TBX20: variants seen among roughly 807,000 people sequenced by gnomAD.
The protein encoded by TBX20 is T-box transcription factor 20.
TBX20 carries 8 observed loss-of-function variants against 42.9 expected under a neutral mutation model. The ratio of observed to expected loss-of-function variants is 0.19; its 90% CI spans 0.11 to 0.34. The LOEUF is 0.34. TBX20 is among the 10% of genes least tolerant of loss of function. The probability of loss-of-function intolerance (pLI) is 1.00; values close to 1 mark genes in which losing one functional copy is unlikely to be tolerated. For missense variants in TBX20, 411 were observed against 566.0 expected, an observed-to-expected ratio of 0.73 and a Z score of 2.78; for synonymous variants, 198 against 222.8, an observed-to-expected ratio of 0.89 and a Z score of 0.99.
At chr7:35,247,627 C>T (rs1243084152) in intron 3 of TBX20, among the ~76,000 whole-genome samples, 3 of 152,146 alleles carry the variant, frequency 2.0e-5, no homozygotes, top group Admixed American at 2.0e-4. Context: ...GACTATGACT[C>T]CAGACTAGAC....
At chr7:35,212,622 A>C (rs1789517302) in intron 6 of TBX20, among the ~76,000 whole-genome samples, 1 of 152,282 alleles carries the variant, frequency 6.6e-6, no homozygotes, top group Admixed American at 6.5e-5. Context: ...TTTAAGTAGG[A>C]CTGGAACACT....
chr7:35,203,353 C>A (rs1461444494), intron 7 of TBX20, among the ~76,000 whole-genome samples: 1 of 151,894 alleles, frequency 6.6e-6, no homozygotes, highest in African/African-American at 2.4e-5. Context: ...GTAGGCCTGA[C>A]CCCTCTTGCC....
Position 35,250,207 on chromosome 7 carries a change from G to C in TBX20, c.128-4C>G, listed in dbSNP as rs1421697732. 1.9e-6 allele frequency: 3 copies of C among 1,613,864 alleles called. No individual in the cohort carries two copies. The highest frequency in any genetic ancestry group is 2.7e-5 in the African/African-American group (2 of 74,912). ...GACGACTTCTCCACAAATTGCTCTGGAGGTAAAGAGAATTGTGAATGACAG... is the reference window on the plus strand; with the variant it reads ...GACGACTTCTCCACAAATTGCTCTGCAGGTAAAGAGAATTGTGAATGACAG... On this transcript the variant is annotated splice_polypyrimidine_tract_variant and splice_region_variant and intron_variant, in intron 1 of 7. Transcript: ENST00000408931.
rs1181006348 is a variant in TBX20 at position 35,245,601 on chromosome 7, T to C, written c.546-544A>G. 2.0e-5 allele frequency among the ~76,000 whole-genome samples: 3 copies of C among 152,318 alleles called. No homozygotes were observed. In the East Asian group the frequency reaches 5.8e-4, roughly 29 times the overall value. On this transcript the variant is annotated intron_variant, in intron 3 of 7. Coordinates refer to ENST00000408931, the MANE Select transcript of TBX20 (RefSeq NM_001077653.2). ...ATGGAGCAATTTTAATATAGGGACATGGAGAACTCCCAGTAGTCCACCGAT... is the reference window on the plus strand; with the variant it reads ...ATGGAGCAATTTTAATATAGGGACACGGAGAACTCCCAGTAGTCCACCGAT...
chr7:35,208,628 G>A (rs1384351758), intron 6 of TBX20, among the ~76,000 whole-genome samples: 4 of 151,564 alleles, frequency 2.6e-5, no homozygotes, highest in African/African-American at 4.8e-5. Context: ...TGTAATCCCC[G>A]CTACTCGGGA....
At chr7:35,211,037 CT>C (rs1789488951) in intron 6 of TBX20, among the ~76,000 whole-genome samples, 1 of 151,646 alleles carries the variant, frequency 6.6e-6, no homozygotes, top group South Asian at 2.1e-4. Flanking sequence ...TTAGATATAA[CT>C]TTCTTTTGTT....
chr7:35,226,208 A>T (rs1364832687), intron 6 of TBX20, among the ~76,000 whole-genome samples: 1 of 152,102 alleles, frequency 6.6e-6, no homozygotes, highest in Non-Finnish European at 1.5e-5. Context: ...TTGGAGTGAG[A>T]AAAGTTTTCT....
At chr7:35,233,482 A>G (rs1789906102) in intron 5 of TBX20, among the ~76,000 whole-genome samples, 1 of 152,250 alleles carries the variant, frequency 6.6e-6, no homozygotes, top group Non-Finnish European at 1.5e-5. Flanking sequence ...CAGCTAAGAC[A>G]TATATATGAA....
intron 1 of TBX20, among the ~76,000 whole-genome samples, chr7:35,250,538 G>T (rs2128716213): frequency 6.6e-6 from 1 of 152,310 alleles, no homozygotes; most frequent in South Asian, 2.1e-4. Flanking sequence ...TATTCCTATT[G>T]TCACCCCTCC....
At chr7:35,214,097 T>G (rs1035440280) in intron 6 of TBX20, among the ~76,000 whole-genome samples, 1 of 152,126 alleles carries the variant, frequency 6.6e-6, no homozygotes, top group African/African-American at 2.4e-5. Context: ...TTCCCTAAAA[T>G]AGTGTCTGGC....
At chr7:35,252,977 G>C (rs1392809439) in intron 1 of TBX20, among the ~76,000 whole-genome samples, 1 of 152,220 alleles carries the variant, frequency 6.6e-6, no homozygotes, top group African/African-American at 2.4e-5. Context: ...GATAAGTCTA[G>C]AGCTTCAGTG....
At chr7:35,250,249 A>T (rs189059790) in intron 1 of TBX20, 46 bp from the exon 2 acceptor site, 2 of 1,597,816 alleles carry the variant, frequency 1.3e-6, no homozygotes, top group Admixed American at 1.7e-5. Context: ...CTGTTCAACA[A>T]GGAAAGATCT....
chr7:35,248,788 T>C lies in TBX20; in HGVS notation c.434A>G (p.Lys145Arg). The C allele has an allele frequency of 6.2e-7, 1 of 1,614,132 alleles. No homozygotes were observed. Among genetic ancestry groups the C allele is most frequent in the Non-Finnish European group, 8.5e-7 (1 of 1,180,040 alleles). Residue 145 changes from lysine to arginine, a missense_variant, in exon 3 of 8, where the codon AAG becomes AGG. Lys to Arg is a conservative substitution (Grantham distance 26). This residue lies in a region of TBX20 where 121 missense variants were observed against 165.9 expected (regional missense o/e 0.73). Coordinates refer to ENST00000408931, the MANE Select transcript of TBX20 (RefSeq NM_001077653.2). ...GACGATGTCCATCAGGACTATGTAC[T>C]TGGCCTCAGGATCCACCCCCGAAAA... ...VSFSGVDPEA[K>R]YIVLMDIVPV... is the part of the protein sequence containing the mutation.
At position 35,244,970 on chromosome 7, in the gene TBX20, A is replaced by T; in HGVS notation, c.633T>A (p.Asn211Lys). 6.2e-7 allele frequency: 1 copy of T among 1,613,672 alleles called. No homozygotes were observed. Among genetic ancestry groups the T allele is most frequent in the Non-Finnish European group, 8.5e-7 (1 of 1,179,596 alleles). Residue 211 changes from asparagine (N) to lysine (K), a missense_variant, in exon 4 of 8, where the codon AAT becomes AAA. By Grantham distance (94) the Asn-to-Lys change is moderately conservative. This residue lies in a region of TBX20 where 121 missense variants were observed against 165.9 expected (regional missense o/e 0.73). Transcript: ENST00000408931. ...VSFEKVKLTN[N>K]ELDQHGHIIL... ...TTACATGGCCATGTTGATCCAGTTC[A>T]TTGTTGGTGAGTTTCACCTTTTCAA...
Position 35,253,491 on chromosome 7 carries a change from T to C in TBX20, c.127+3A>G. 1 of 1,609,816 alleles carries C rather than the reference T, an allele frequency of 6.2e-7. No homozygotes were observed. On this transcript the variant is annotated splice_donor_region_variant and intron_variant, in intron 1 of 7. Transcript: ENST00000408931. Reference sequence around the variant, plus strand: ...CGGCGGACAGCCGGGTAGCCCAACTTACCCAGGGGTTTGATTGTGTTCTCC... The same window carrying C: ...CGGCGGACAGCCGGGTAGCCCAACTCACCCAGGGGTTTGATTGTGTTCTCC...
intron 5 of TBX20, among the ~76,000 whole-genome samples, chr7:35,236,589 G>C (rs1339839659): frequency 6.6e-6 from 1 of 152,076 alleles, no homozygotes; most frequent in Non-Finnish European, 1.5e-5. Flanking sequence ...TATGTTTACT[G>C]AGCACCTACA....
Position 35,253,556 on chromosome 7 carries a change from G to A in TBX20, c.65C>T (p.Ala22Val). The A allele has an allele frequency of 6.2e-7, 1 of 1,612,916 alleles. No individual in the cohort carries two copies. The highest frequency in any genetic ancestry group is 8.5e-7 in the Non-Finnish European group (1 of 1,180,018). The change falls in exon 1 of 8, where the codon GCG (alanine) becomes GTG (valine). Residue 22 changes from alanine (A) to valine (V), a missense_variant. Physicochemically the swap from Ala to Val is moderately conservative, Grantham distance 64 (BLOSUM62 0). Around this residue, in one of 5 missense-constraint regions of TBX20, gnomAD observed 114 missense variants for 128.0 expected, o/e 0.89. Coordinates refer to ENST00000408931, the MANE Select transcript of TBX20 (RefSeq NM_001077653.2). ...CTTAGAGCCGCCGCTCGACATGAGC[G>A]CGGCAATGGAGAAGGCGTTGGCCCG... ...SSRANAFSIA[A>V]LMSSGGSKEK...
In TBX20 at chr7:35,202,686, T is replaced by C. The variant is rs781147575; in HGVS notation, c.1088A>G (p.Gln363Arg). 1.2e-6 allele frequency: 2 copies of C among 1,610,538 alleles called. No homozygotes were observed. Among genetic ancestry groups the C allele is most frequent in the Non-Finnish European group, 8.5e-7 (1 of 1,178,398 alleles). ...SSSFPGFQHP[Q>R]SLTALGTSTA... ...GCTGGTGCCAAGAGCAGTCAGGGAC[T>C]GTGGGTGCTGAAACCCAGGAAAACT... The change falls in exon 8 of 8, where the codon CAG (glutamine) becomes CGG (arginine). Residue 363 changes from glutamine to arginine, a missense_variant. By Grantham distance (43) the Gln-to-Arg change is conservative. Around this residue, in one of 5 missense-constraint regions of TBX20, gnomAD observed 162 missense variants for 205.4 expected, o/e 0.79. Transcript: ENST00000408931.
rs575722805 is a variant in TBX20, at chr7:35,226,067, T to TA, written c.890+5436dup. Among the ~76,000 whole-genome samples the TA allele has an allele frequency of 3.3e-4, 50 of 152,194 alleles. No individual in the cohort carries two copies. In the East Asian group the frequency reaches 8.5e-3, roughly 26 times the overall value. ...ATATTAATAGTATTCAGGCCACTTG[T>TA]AAAAAATATAAAGTTGTATGTCTAT... On this transcript the variant is annotated intron_variant, in intron 6 of 7. Coordinates refer to ENST00000408931, the MANE Select transcript of TBX20 (RefSeq NM_001077653.2).
Sources: gnomAD v4.1 joint callset for allele counts (sites outside exome capture counted in the v4.1 genomes callset) on GRCh38, gnomAD v4.1.1 for gene constraint, gnomAD v4.1.1 regional missense constraint, MANE v1.5 for transcripts, NCBI Gene and HGNC (gene_info 2026-07-23, HGNC 2026-07-21) for gene names.